The following CELF2 variants were observed in gnomAD, a reference collection of about 807,000 sequenced individuals.
The protein encoded by CELF2 is CUGBP Elav-like family member 2, also known as CUG triplet repeat RNA-binding protein 2.
A neutral mutation model predicts 62.6 loss-of-function variants in CELF2; 8 were observed. The ratio of observed to expected loss-of-function variants is 0.13; its 90% CI spans 0.07 to 0.23. CELF2 has a LOEUF of 0.23. Among genes scored for constraint, CELF2 ranks in the 10% least tolerant of loss-of-function variants. The pLI, the probability that CELF2 is intolerant of heterozygous loss-of-function variation, is 1.00. For synonymous variants in CELF2, 258 were observed against 250.0 expected, an observed-to-expected ratio of 1.03 and a Z score of -0.30; for missense variants, 333 against 671.0, an observed-to-expected ratio of 0.50 and a Z score of 5.56.
chr10:10,532,901 A>G, the CELF2 span, among the ~76,000 whole-genome samples: 15 of 149,972 alleles, frequency 1.0e-4, no homozygotes, highest in East Asian at 2.0e-4. Flanking sequence ...AAAAAAAAAA[A>G]TAGAGAGCAA....
chr10:10,941,991 CA>C (rs3029016), intron 2 of CELF2, among the ~76,000 whole-genome samples: 6,000 of 113,194 alleles, frequency 0.053, 135 homozygotes, highest in African/African-American at 0.095. Context: ...GACTCTGTCT[CA>C]AAAAAAAAAA....
the CELF2 span, among the ~76,000 whole-genome samples, chr10:10,650,940 T>C: frequency 6.6e-6 from 1 of 152,036 alleles, no homozygotes. Context: ...CGGTGATTTC[T>C]GCATTTCCAT....
intron 2 of CELF2, among the ~76,000 whole-genome samples, chr10:10,967,335 A>G (rs1404818623): frequency 1.3e-5 from 2 of 152,192 alleles, no homozygotes; most frequent in African/African-American, 4.8e-5. Flanking sequence ...ATATAGGAGA[A>G]ACTTTTAGGC....
intron 1 of CELF2, among the ~76,000 whole-genome samples, chr10:11,022,539 T>G (rs764845772): frequency 4.6e-5 from 7 of 152,128 alleles, no homozygotes; most frequent in Non-Finnish European, 7.4e-5. Flanking sequence ...TTTGGTTGTT[T>G]TTTTTTTCTC....
the CELF2 span, among the ~76,000 whole-genome samples, chr10:10,524,080 C>T: frequency 6.6e-6 from 1 of 152,098 alleles, no homozygotes; most frequent in Admixed American, 6.5e-5. Flanking sequence ...AAGCTGTGTG[C>T]CCCCACTTAG....
chr10:10,482,603 A>G, the CELF2 span, among the ~76,000 whole-genome samples: 2 of 152,228 alleles, frequency 1.3e-5, no homozygotes, highest in African/African-American at 4.8e-5. Flanking sequence ...TTTTTCAAAC[A>G]ACAGTGTATT....
chr10:10,838,653 G>T (rs1318204418), intron 1 of CELF2, among the ~76,000 whole-genome samples: 3 of 151,936 alleles, frequency 2.0e-5, no homozygotes, highest in Non-Finnish European at 4.4e-5. Flanking sequence ...GAATTGTTCT[G>T]TCCTTGGCCA....
the CELF2 span, among the ~76,000 whole-genome samples, chr10:10,571,628 G>A: frequency 6.6e-6 from 1 of 152,064 alleles, no homozygotes; most frequent in Non-Finnish European, 1.5e-5. Flanking sequence ...TGTTAATAAT[G>A]CAAAAATGAC....
chr10:11,210,164 G>A (rs2061461038), intron 2 of CELF2, among the ~76,000 whole-genome samples: 1 of 152,190 alleles, frequency 6.6e-6, no homozygotes, highest in African/African-American at 2.4e-5. Context: ...AACTCGAGTT[G>A]AAGTTGTCTG....
chr10:11,316,797 G>A lies in CELF2; in HGVS notation c.1096+2539G>A, dbSNP rs1381038096. The A allele has an allele frequency of 6.6e-6, 1 of 152,170 alleles. No individual in the cohort carries two copies. Among genetic ancestry groups the A allele is most frequent in the Non-Finnish European group, 1.5e-5 (1 of 68,028 alleles). 9.4% of individuals were successfully genotyped at this position (152,170 alleles called of 1,614,324 possible). A position where few individuals can be genotyped will look rare whatever the true frequency, so the allele number is the denominator to read the frequency against. Reference sequence around the variant, plus strand: ...CCCAGCACCTCTCCCAAAAAACGAAGTTTTTGGTCAGTAGACAAGTAGCTC... The same window carrying A: ...CCCAGCACCTCTCCCAAAAAACGAAATTTTTGGTCAGTAGACAAGTAGCTC... On this transcript the variant is annotated intron_variant, in intron 10 of 12. Transcript: ENST00000633077. The surrounding 1 kb of genome is among the most constrained non-coding windows in gnomAD (Gnocchi z 4.4).
At chr10:10,662,783 T>C in the CELF2 span, among the ~76,000 whole-genome samples, 2 of 152,190 alleles carry the variant, frequency 1.3e-5, no homozygotes, top group African/African-American at 4.8e-5. Context: ...TTTGACATAG[T>C]AGCTTTGCTT....
the CELF2 span, among the ~76,000 whole-genome samples, chr10:10,599,725 C>CTTTTTTTTTTT: frequency 1.9e-4 from 25 of 134,564 alleles, no homozygotes; most frequent in South Asian, 4.7e-4. Context: ...TTCTTTCTTT[C>CTTTTTTTTTTT]TTTTTTTTTT....
the CELF2 span, among the ~76,000 whole-genome samples, chr10:10,683,916 G>A: frequency 1.3e-5 from 2 of 152,094 alleles, no homozygotes; most frequent in African/African-American, 4.8e-5. Flanking sequence ...AGGACCTCTG[G>A]ATTTTCTATT....
intron 4 of CELF2, among the ~76,000 whole-genome samples, chr10:11,250,748 G>A (rs572176263): frequency 1.2e-4 from 19 of 152,308 alleles, no homozygotes; most frequent in South Asian, 6.2e-4. Flanking sequence ...GGAATTGATG[G>A]TAACTGTCTC....
chr10:11,121,663 G>C (rs563294024), intron 1 of CELF2, among the ~76,000 whole-genome samples: 1 of 152,124 alleles, frequency 6.6e-6, no homozygotes, highest in Non-Finnish European at 1.5e-5. Flanking sequence ...TTAGTGCAAT[G>C]AAGTAAGCTT....
At chr10:11,133,429 G>C (rs1200581225) in intron 1 of CELF2, among the ~76,000 whole-genome samples, 2 of 152,106 alleles carry the variant, frequency 1.3e-5, no homozygotes, top group Non-Finnish European at 2.9e-5. Flanking sequence ...AGAAACATTC[G>C]AGGTGGTTCT....
At chr10:10,857,113 G>T (rs1343223013) in intron 1 of CELF2, among the ~76,000 whole-genome samples, 1 of 152,118 alleles carries the variant, frequency 6.6e-6, no homozygotes, top group Non-Finnish European at 1.5e-5. Flanking sequence ...AGTAGACCAA[G>T]ATTTGAGTTT....
At chr10:10,632,066 C>T in the CELF2 span, among the ~76,000 whole-genome samples, 18 of 152,328 alleles carry the variant, frequency 1.2e-4, no homozygotes, top group African/African-American at 4.1e-4. Flanking sequence ...GCTCTCTTTG[C>T]TCCCTCAAAG....
the CELF2 span, among the ~76,000 whole-genome samples, chr10:10,508,771 G>A: frequency 1.3e-4 from 19 of 150,552 alleles, no homozygotes; most frequent in Admixed American, 3.3e-4. Flanking sequence ...GCGTGATCTC[G>A]GCTCACTGCA....
Sources: allele counts gnomAD v4.1 joint callset (sites outside exome capture counted in the v4.1 genomes callset), GRCh38; gene constraint gnomAD v4.1.1; non-coding constraint Gnocchi (gnomAD v3.1); transcripts MANE v1.5; gene names NCBI Gene and HGNC (gene_info 2026-07-23, HGNC 2026-07-21).